SMARCA2: variants seen among roughly 807,000 people sequenced by gnomAD.
SMARCA2 encodes SWI/SNF related BAF chromatin remodeling complex subunit ATPase 2, also known as SWI/SNF-related matrix-associated actin-dependent regulator of chromatin subfamily A member 2.
Under a neutral mutation model 199.8 loss-of-function variants are expected in SMARCA2, and 61 were observed. That is an observed-to-expected ratio of 0.31 (90% CI 0.25 to 0.38). The LOEUF is 0.38. Ranked by LOEUF, SMARCA2 falls within the 10% of genes least tolerant of loss-of-function variation. The pLI is 1.00. For synonymous variants in SMARCA2, 935 were observed against 732.0 expected (o/e 1.28, Z -4.48); for missense variants, 1,344 against 2,012.2 (o/e 0.67, Z 6.35).
At position 2,125,650 on chromosome 9, in the gene SMARCA2, C is replaced by T. The variant is rs547584481; in HGVS notation, c.3981+1713C>T. On this transcript the variant is annotated intron_variant, in intron 27 of 33. Transcript: ENST00000349721. ...GATTACAGGCGCATACCACCATGCCCGGCTAATTTTTATATTTTTAGTAGA... is the reference window on the plus strand; with the variant it reads ...GATTACAGGCGCATACCACCATGCCTGGCTAATTTTTATATTTTTAGTAGA... Among the ~76,000 whole-genome samples, 11 of 152,020 alleles carry T rather than the reference C, an allele frequency of 7.2e-5. No individual in the cohort carries two copies. In the East Asian group the frequency reaches 7.8e-4, roughly 11 times the overall value.
At chr9:2,182,490 T>C (rs1179447085) in intron 31 of SMARCA2, among the ~76,000 whole-genome samples, 7 of 147,228 alleles carry the variant, frequency 4.8e-5, no homozygotes, top group African/African-American at 1.8e-4. Context: ...TTTTTTTTTT[T>C]TTTTTTTTTT....
At chr9:2,156,619 TG>T (rs1825379004) in intron 27 of SMARCA2, among the ~76,000 whole-genome samples, 1 of 151,946 alleles carries the variant, frequency 6.6e-6, no homozygotes, top group African/African-American at 2.4e-5. Flanking sequence ...TTAGTAGAGA[TG>T]GGGCTTCTCC....
intron 27 of SMARCA2, chr9:2,157,837 A>G (rs1825446556): frequency 2.5e-6 from 1 of 398,432 alleles, no homozygotes; most frequent in South Asian, 1.3e-4. Context: ...GTTGAGAAGA[A>G]GGCGCCTGAG....
chr9:2,045,278 C>A (rs1208228940), intron 4 of SMARCA2: 1 of 152,166 alleles, frequency 6.6e-6, no homozygotes, highest in East Asian at 1.9e-4. Flanking sequence ...ATGCTTATAG[C>A]AAGGCTTCAA....
chr9:2,144,067 A>T (rs928753684), intron 27 of SMARCA2, among the ~76,000 whole-genome samples: 2 of 151,830 alleles, frequency 1.3e-5, no homozygotes, highest in Non-Finnish European at 2.9e-5. Flanking sequence ...GGGAGCCGGG[A>T]GATGGGGGGG....
chr9:2,022,988 C>G (rs10964447), intron 1 of SMARCA2, among the ~76,000 whole-genome samples: 12,133 of 152,222 alleles, frequency 0.08, 606 homozygotes, highest in East Asian at 0.22. Context: ...ATGCTTTGCT[C>G]TAAAGGGTTT....
chr9:2,085,878 G>A (rs879449500), intron 17 of SMARCA2: 1 of 152,164 alleles, frequency 6.6e-6, no homozygotes, highest in African/African-American at 2.4e-5. Flanking sequence ...GATAGGCTTA[G>A]TGGAACATTC....
chr9:2,031,276 G>A (rs774437798), intron 2 of SMARCA2, among the ~76,000 whole-genome samples: 4 of 152,032 alleles, frequency 2.6e-5, no homozygotes, highest in Non-Finnish European at 5.9e-5. Context: ...AAAGCTGCTC[G>A]TTTTCCATGT....
Position 2,039,608 on chromosome 9 carries a change from G to T in SMARCA2, c.498G>T (p.Gln166His). ...LIPGDPQAMS[Q>H]PNRGPSPFSP... ...CAGGTGATCCGCAGGCCATGAGCCA[G>T]CCCAACAGAGGTCCCTCACCTTTCA... is the stretch of plus-strand genomic sequence containing the variant. The change falls in exon 4 of 34, where the codon CAG becomes CAT. Residue 166 changes from glutamine to histidine, a missense_variant. This residue lies in a region of SMARCA2 where 275 missense variants were observed against 247.5 expected (regional missense o/e 1.11). Transcript: ENST00000349721. This position sits in a 1 kb window ranked among gnomAD's most constrained non-coding sequence, Gnocchi z 4.8. 6.2e-7 allele frequency: 1 copy of T among 1,614,204 alleles called. No homozygotes were observed. The highest frequency in any genetic ancestry group is 8.5e-7 in the Non-Finnish European group (1 of 1,180,046).
intron 27 of SMARCA2, among the ~76,000 whole-genome samples, chr9:2,130,815 G>C (rs1315191654): frequency 2.0e-5 from 3 of 152,160 alleles, no homozygotes; most frequent in Non-Finnish European, 4.4e-5. Flanking sequence ...TTATATGTAA[G>C]AGCAGGCATT....
At chr9:2,188,251 T>G (rs1827629567) in intron 32 of SMARCA2, among the ~76,000 whole-genome samples, 1 of 152,192 alleles carries the variant, frequency 6.6e-6, no homozygotes, top group African/African-American at 2.4e-5. Flanking sequence ...TTAATTATAC[T>G]CTGTTAATCA....
intron 18 of SMARCA2, 88 bp downstream of exon 18, chr9:2,087,159 ACC>A: frequency 1.3e-6 from 2 of 1,503,842 alleles, no homozygotes; most frequent in Non-Finnish European, 1.8e-6. Flanking sequence ...GCCACAGAAC[ACC>A]CGCAGGGTGG....
chr9:2,145,407 T>C (rs1294356189), intron 27 of SMARCA2, among the ~76,000 whole-genome samples: 1 of 151,574 alleles, frequency 6.6e-6, no homozygotes, highest in Non-Finnish European at 1.5e-5. Context: ...AATAAAAGAG[T>C]TTAGACAAGA....
chr9:2,125,304 A>C (rs527848791), intron 27 of SMARCA2, among the ~76,000 whole-genome samples: 3 of 152,290 alleles, frequency 2.0e-5, no homozygotes, highest in Admixed American at 6.5e-5. Context: ...ACCTCAGAAT[A>C]TGATTCTGTG....
Position 2,180,854 on chromosome 9 carries a change from G to GTACAGCAC in SMARCA2, c.4254-714_4254-707dup, listed in dbSNP as rs1826972048. On this transcript the variant is annotated intron_variant, in intron 29 of 33. Transcript: ENST00000349721. ...AAACTTACCATGAATTTGGGGGAGG[G>GTACAGCAC]TACAGCACTAATCCCAGAAATGTGA... 2.6e-5 allele frequency among the ~76,000 whole-genome samples: 4 copies of GTACAGCAC among 152,142 alleles called. 1 individual carries two copies. Among genetic ancestry groups the GTACAGCAC allele is most frequent in the Admixed American group, 2.6e-4 (4 of 15,266 alleles).
At chr9:2,137,768 C>A (rs2130674058) in intron 27 of SMARCA2, among the ~76,000 whole-genome samples, 1 of 152,218 alleles carries the variant, frequency 6.6e-6, no homozygotes, top group East Asian at 1.9e-4. Context: ...GGTAAGCACT[C>A]TTTAAATAGG....
Position 2,115,799 on chromosome 9 carries a change from T to C in SMARCA2, c.3457-23T>C. On this transcript the variant is annotated intron_variant, in intron 24 of 33. Coordinates refer to ENST00000349721, the MANE Select transcript of SMARCA2 (RefSeq NM_003070.5). This position sits in a 1 kb window ranked among gnomAD's most constrained non-coding sequence, Gnocchi z 6.0. ...CCTATGCCAGGCATCTCAGTCCTCA[T>C]AGCATATTGACCCCCCAAACAGGAT... 6.2e-7 allele frequency: 1 copy of C among 1,605,946 alleles called. No individual in the cohort carries two copies. Among genetic ancestry groups the C allele is most frequent in the South Asian group, 1.1e-5 (1 of 90,600 alleles).
At chr9:2,138,225 C>CA (rs1402176608) in intron 27 of SMARCA2, among the ~76,000 whole-genome samples, 2 of 151,710 alleles carry the variant, frequency 1.3e-5, no homozygotes, top group African/African-American at 4.8e-5. Flanking sequence ...AAAATTAAGA[C>CA]AAAAAGTATT....
At chr9:2,041,615 G>C (rs1819606027) in intron 4 of SMARCA2, 2 of 389,268 alleles carry the variant, frequency 5.1e-6, no homozygotes, top group East Asian at 7.3e-5. Context: ...TTCAGACCAT[G>C]GCAGTGGGTT....
Sources: gnomAD v4.1 joint callset for allele counts (sites outside exome capture counted in the v4.1 genomes callset) on GRCh38, gnomAD v4.1.1 for gene constraint, gnomAD v4.1.1 regional missense constraint, Gnocchi (gnomAD v3.1) non-coding constraint, MANE v1.5 for transcripts, NCBI Gene and HGNC (gene_info 2026-07-23, HGNC 2026-07-21) for gene names.